The following NRG1 variants were observed in gnomAD, a reference collection of about 807,000 sequenced individuals.
NRG1 encodes pro-neuregulin-1, membrane-bound isoform.
Under a neutral mutation model 63.8 loss-of-function variants are expected in NRG1, and 18 were observed. The ratio of observed to expected loss-of-function variants is 0.28; its 90% confidence interval spans 0.19 to 0.42. The LOEUF (loss-of-function observed/expected upper bound fraction) is 0.42. Ranked by LOEUF, NRG1 falls within the 10% of genes least tolerant of loss-of-function variation. NRG1 has a pLI of 1.00. For synonymous variants in NRG1, 302 were observed against 301.3 expected (o/e 1.00, Z -0.02); for missense variants, 762 against 814.7 (o/e 0.94, Z 0.79).
chr8:31,874,208 G>A (rs530709034), intron 1 of NRG1, among the ~76,000 whole-genome samples: 12 of 152,320 alleles, frequency 7.9e-5, no homozygotes, highest in African/African-American at 2.6e-4. Context: ...GATCAGTGGG[G>A]TCATGCTAGT....
chr8:32,215,270 A>T (rs1586142971), intron 1 of NRG1, among the ~76,000 whole-genome samples: 2 of 152,220 alleles, frequency 1.3e-5, no homozygotes, highest in South Asian at 4.1e-4. Flanking sequence ...AAAAAGGGCT[A>T]TGTGGTCCCA....
chr8:31,758,195 G>A (rs1563366574), intron 1 of NRG1, among the ~76,000 whole-genome samples: 1 of 152,054 alleles, frequency 6.6e-6, no homozygotes, highest in Non-Finnish European at 1.5e-5. Flanking sequence ...TTCTCCTAAT[G>A]TTATCCTTCC....
intron 1 of NRG1, among the ~76,000 whole-genome samples, chr8:31,903,729 CA>C (rs1832295603): frequency 6.6e-6 from 1 of 152,004 alleles, no homozygotes; most frequent in South Asian, 2.1e-4. Context: ...CCGAGGTGGG[CA>C]GATCACTTGA....
chr8:32,474,680 T>C (rs1034596810), intron 1 of NRG1, among the ~76,000 whole-genome samples: 15 of 151,948 alleles, frequency 9.9e-5, no homozygotes, highest in African/African-American at 3.4e-4. Context: ...TGTGTGTGTT[T>C]TTTTTAGTAG....
At chr8:32,624,819 A>C (rs1848925879) in intron 5 of NRG1, among the ~76,000 whole-genome samples, 1 of 152,220 alleles carries the variant, frequency 6.6e-6, no homozygotes, top group Non-Finnish European at 1.5e-5. Flanking sequence ...CTTTGATGTC[A>C]AAAGTCAGAG....
chr8:32,041,093 G>T (rs951811051), intron 1 of NRG1, among the ~76,000 whole-genome samples: 1 of 151,860 alleles, frequency 6.6e-6, no homozygotes, highest in Non-Finnish European at 1.5e-5. Context: ...TTTACTTATG[G>T]ATAACTTCAT....
At chr8:32,491,309 G>C (rs1278965154) in intron 1 of NRG1, among the ~76,000 whole-genome samples, 1 of 152,048 alleles carries the variant, frequency 6.6e-6, no homozygotes, top group Non-Finnish European at 1.5e-5. Context: ...TTATATTATA[G>C]CACGAAGAGG....
At chr8:31,979,833 A>G (rs2129630473) in intron 1 of NRG1, among the ~76,000 whole-genome samples, 1 of 152,210 alleles carries the variant, frequency 6.6e-6, no homozygotes, top group Admixed American at 6.6e-5. Context: ...TAACACTAAT[A>G]TGCCTGTTCA....
chr8:31,660,912 T>A (rs1481502452), intron 1 of NRG1, among the ~76,000 whole-genome samples: 1 of 152,234 alleles, frequency 6.6e-6, no homozygotes, highest in Non-Finnish European at 1.5e-5. Flanking sequence ...TGTTTTTGCA[T>A]GTTTTATTGC....
chr8:32,372,614 A>G (rs1809055060), intron 1 of NRG1, among the ~76,000 whole-genome samples: 1 of 152,130 alleles, frequency 6.6e-6, no homozygotes, highest in Non-Finnish European at 1.5e-5. Flanking sequence ...CAATGGACAC[A>G]ACAGTCTAAA....
At chr8:32,120,253 A>C (rs960013607) in intron 1 of NRG1, among the ~76,000 whole-genome samples, 1 of 152,126 alleles carries the variant, frequency 6.6e-6, no homozygotes, top group African/African-American at 2.4e-5. Context: ...GAAAACTTTC[A>C]AATTTATACT....
intron 1 of NRG1, among the ~76,000 whole-genome samples, chr8:32,282,079 C>G (rs1381097102): frequency 2.6e-5 from 4 of 152,194 alleles, no homozygotes; most frequent in Admixed American, 2.6e-4. Flanking sequence ...GGTACAACTT[C>G]TAACTTGACA....
intron 1 of NRG1, among the ~76,000 whole-genome samples, chr8:32,145,170 G>T (rs912919525): frequency 6.6e-6 from 1 of 152,142 alleles, no homozygotes; most frequent in Non-Finnish European, 1.5e-5. Flanking sequence ...CCTGTGCTTT[G>T]CTGTATCTAA....
intron 1 of NRG1, among the ~76,000 whole-genome samples, chr8:31,994,725 A>C (rs1240110050): frequency 6.6e-6 from 1 of 150,452 alleles, no homozygotes; most frequent in East Asian, 2.0e-4. Flanking sequence ...TAATACCTTA[A>C]ATTTCCCTTC....
intron 1 of NRG1, among the ~76,000 whole-genome samples, chr8:32,472,369 C>T (rs1823957894): frequency 6.6e-6 from 1 of 152,172 alleles, no homozygotes; most frequent in African/African-American, 2.4e-5. Context: ...AGGGTTTCAA[C>T]ATATTGGTCA....
At chr8:32,165,590 G>A (rs1839315880) in intron 1 of NRG1, among the ~76,000 whole-genome samples, 1 of 152,202 alleles carries the variant, frequency 6.6e-6, no homozygotes, top group African/African-American at 2.4e-5. Context: ...TTAGAGGGCA[G>A]AGAAAGGAGT....
chr8:32,474,401 C>T (rs1407770407), intron 1 of NRG1, among the ~76,000 whole-genome samples: 2 of 152,082 alleles, frequency 1.3e-5, no homozygotes, highest in African/African-American at 2.4e-5. Context: ...CTCTATTCTA[C>T]AGGCATGCAG....
At chr8:31,961,312 A>T (rs961870975) in intron 1 of NRG1, among the ~76,000 whole-genome samples, 4 of 152,212 alleles carry the variant, frequency 2.6e-5, no homozygotes, top group Non-Finnish European at 5.9e-5. Flanking sequence ...CTAGCAAAGA[A>T]TTTTAAATAC....
At chr8:32,500,609 T>C (rs1827752694) in intron 1 of NRG1, among the ~76,000 whole-genome samples, 1 of 152,330 alleles carries the variant, frequency 6.6e-6, no homozygotes, top group Admixed American at 6.5e-5. Flanking sequence ...TAGATTCTTA[T>C]GGAACTTAGG....
Sources: gnomAD v4.1 joint callset for allele counts (sites outside exome capture counted in the v4.1 genomes callset) on GRCh38, gnomAD v4.1.1 for gene constraint, MANE v1.5 for transcripts, NCBI Gene and HGNC (gene_info 2026-07-23, HGNC 2026-07-21) for gene names.